Variants in ZGLP1 observed in about 807,000 individuals in gnomAD.
ZGLP1 encodes the protein zinc finger GATA like protein 1, also known as GATA-type zinc finger protein 1.
A neutral mutation model predicts 21.4 loss-of-function variants in ZGLP1; 11 were observed. The observed-to-expected ratio is 0.51, with a 90% CI of 0.32 to 0.85. The LOEUF (loss-of-function observed/expected upper bound fraction) is 0.85. Ranked by LOEUF, ZGLP1 falls within the 40% of genes least tolerant of loss-of-function variation. ZGLP1 has a pLI of 0.03. For missense variants in ZGLP1, 295 were observed against 355.6 expected, an observed-to-expected ratio of 0.83 and a Z score of 1.37; for synonymous variants, 148 against 145.0, an observed-to-expected ratio of 1.02 and a Z score of -0.15.
chr19:10,307,221 G>C (rs945914467), intron 1 of ZGLP1, among the ~76,000 whole-genome samples: 1 of 151,744 alleles, frequency 6.6e-6, no homozygotes, highest in African/African-American at 2.4e-5. Context: ...GTAAAAATTA[G>C]AGCTGGGGGT....
exon 1 of ZGLP1, chr19:10,309,248 T>A (rs1277674620): frequency 6.6e-6 from 1 of 152,654 alleles, no homozygotes; most frequent in Non-Finnish European, 1.5e-5. Flanking sequence ...AAATTGCCAC[T>A]TCTCGATAAC....
chr19:10,305,042 A>G lies in ZGLP1; in HGVS notation c.*49T>C. On this transcript the variant is annotated 3_prime_UTR_variant, in exon 4 of 4. Transcript: ENST00000403903. This position sits in a 1 kb window ranked among gnomAD's most constrained non-coding sequence, Gnocchi z 4.7. ...GAGAGCTGCTTCTGCCCATTCTCCC[A>G]CTGGTGAAACGGAGGCAGAAGCAGC... 7.1e-6 allele frequency: 10 copies of G among 1,415,802 alleles called. No homozygotes were observed. Among genetic ancestry groups the G allele is most frequent in the Non-Finnish European group, 1.0e-5 (10 of 1,001,758 alleles). 87.7% of individuals were successfully genotyped at this position (1,415,802 alleles called of 1,614,324 possible). A position where few individuals can be genotyped will look rare whatever the true frequency, so the allele number is the denominator to read the frequency against.
chr19:10,305,119 A>T lies in ZGLP1; in HGVS notation c.788T>A (p.Val263Glu), dbSNP rs200547722. Residue 263 changes from valine (V) to glutamate (E), a missense_variant, in exon 4 of 4, where the codon GTG becomes GAG. Coordinates refer to ENST00000403903, the Ensembl canonical transcript of ZGLP1. The surrounding 1 kb of genome is among the most constrained non-coding windows in gnomAD (Gnocchi z 4.7). Reference sequence around the variant, plus strand: ...ACCTTCCTGAATGGGGTCCAGGGACACTCCACATCTGCCACATAGCCTCTT... The same window carrying T: ...ACCTTCCTGAATGGGGTCCAGGGACTCTCCACATCTGCCACATAGCCTCTT... 1.9e-6 allele frequency: 3 copies of T among 1,613,538 alleles called. No individual in the cohort carries two copies. The highest frequency in any genetic ancestry group is 2.7e-5 in the African/African-American group (2 of 74,808).
At chr19:10,308,162 G>A (rs35063123) in intron 1 of ZGLP1, 23 bp downstream of exon 2, 238,636 of 1,513,764 alleles carry the variant, frequency 0.16, 20,584 homozygotes, top group Admixed American at 0.33. Context: ...AGAAAGGGCG[G>A]CCTGGCCCCA....
At chr19:10,308,895 T>A in exon 1 of ZGLP1, 1 of 407,300 alleles carries the variant, frequency 2.5e-6, no homozygotes, top group Non-Finnish European at 4.3e-6. Context: ...TTTGTGTTTC[T>A]TTTAGAGACC....
At chr19:10,308,408 G>A (rs1178133036) in exon 1 of ZGLP1, 5 of 1,608,732 alleles carry the variant, frequency 3.1e-6, no homozygotes, top group Non-Finnish European at 4.2e-6. Context: ...AGCAGCAGGC[G>A]GCCCTGAGTC....
rs1189584046 is a variant in ZGLP1 at position 10,309,340 on chromosome 19, C to T, written c.-659G>A. ...CGGGGTCCGGGGAATGGGGTTTGGC[C>T]TTACGCACCTCTCACTGATTCTGCA... On this transcript the variant is annotated 5_prime_UTR_variant, in exon 1 of 4. Transcript: ENST00000403903. 6.5e-6 allele frequency: 1 copy of T among 152,826 alleles called. No homozygotes were observed. Among genetic ancestry groups the T allele is most frequent in the Admixed American group, 6.5e-5 (1 of 15,278 alleles). 9.5% of individuals were successfully genotyped at this position (152,826 alleles called of 1,614,324 possible).
rs751681041 is a variant in ZGLP1, at chr19:10,305,554, C to T, written c.605-71G>A. The stretch of plus-strand genomic sequence containing the variant: ...TGAGCTCGGGATGCCTGTGCGGAGT[C>T]GGGCATTTTGTGGGGGTCTCAGTAA... On this transcript the variant is annotated intron_variant, in intron 2 of 3. Coordinates refer to ENST00000403903, the Ensembl canonical transcript of ZGLP1. This position sits in a 1 kb window ranked among gnomAD's most constrained non-coding sequence, Gnocchi z 4.7. The T allele has an allele frequency of 7.2e-6, 10 of 1,392,568 alleles. No homozygotes were observed. The highest frequency in any genetic ancestry group is 2.5e-5 in the East Asian group (1 of 40,498). The allele number at this position is 1,392,568 out of a possible 1,614,324, so 86.3% of individuals were successfully genotyped here.
Position 10,305,263 on chromosome 19 carries a change from C to T in ZGLP1, c.699-55G>A, listed in dbSNP as rs547769564. 43 of 1,589,008 alleles carry T rather than the reference C, an allele frequency of 2.7e-5. No individual in the cohort carries two copies. The highest frequency in any genetic ancestry group is 8.1e-5 in the African/African-American group (6 of 74,414). On this transcript the variant is annotated intron_variant, in intron 3 of 3. Transcript: ENST00000403903. This position sits in a 1 kb window ranked among gnomAD's most constrained non-coding sequence, Gnocchi z 4.7. ...TAGGATGCAGTGGGGGCCCGGAAACCGCCACAAGGAAACCACTTTTCCCAA... is the reference window on the plus strand; with the variant it reads ...TAGGATGCAGTGGGGGCCCGGAAACTGCCACAAGGAAACCACTTTTCCCAA...
exon 1 of ZGLP1, chr19:10,309,445 T>C (rs780628292): frequency 6.6e-6 from 1 of 152,640 alleles, no homozygotes; most frequent in Non-Finnish European, 1.5e-5. Context: ...CGCCAGAAGC[T>C]TTGCTGGCAT....
rs1464470940 is a variant in ZGLP1 at position 10,305,482 on chromosome 19, C to T, written c.606G>A (p.Glu202=). 10 of 1,592,548 alleles carry T rather than the reference C, an allele frequency of 6.3e-6. No individual in the cohort carries two copies. Among genetic ancestry groups the T allele is most frequent in the Non-Finnish European group, 8.5e-6 (10 of 1,169,804 alleles). ...TCCGACAGGAAGCACAGCGCCGGGG[C>T]TCTGAAGGGTCAGAGGTCAAAGGGC... Residue 202 remains glutamate, a splice_region_variant and synonymous_variant, in exon 3 of 4, where the codon GAG becomes GAA. Coordinates refer to ENST00000403903, the Ensembl canonical transcript of ZGLP1. The surrounding 1 kb of genome is among the most constrained non-coding windows in gnomAD (Gnocchi z 4.7).
chr19:10,308,794 C>T (rs2040295320), exon 1 of ZGLP1: 1 of 1,049,064 alleles, frequency 9.5e-7, no homozygotes, highest in South Asian at 3.4e-5. Flanking sequence ...TTACGGCACC[C>T]GTAGATCACC....
At chr19:10,304,873 G>A in exon 4 of ZGLP1, 2 of 579,590 alleles carry the variant, frequency 3.5e-6, no homozygotes, top group South Asian at 2.1e-5. Context: ...CGTCTCCTGA[G>A]GGGGCCTCGG....
chr19:10,306,008 G>A (rs1400543176), intron 1 of ZGLP1, 56 bp from the exon 3 acceptor site: 14 of 1,288,996 alleles, frequency 1.1e-5, no homozygotes, highest in Non-Finnish European at 1.5e-5. Context: ...GTCCCCAACA[G>A]CCCTCCGAAA....
At position 10,308,248 on chromosome 19, in the gene ZGLP1, T is replaced by A. The variant is rs748881020; in HGVS notation, c.434A>T (p.Glu145Val). 2.5e-6 allele frequency: 4 copies of A among 1,588,072 alleles called. No homozygotes were observed. The East Asian group carries it at 9.0e-5, about 36-fold the overall frequency. Residue 145 changes from glutamate to valine, a missense_variant, in exon 1 of 4, where the codon GAG (glutamate) becomes GTG (valine). Physicochemically the swap from Glu to Val is moderately radical, Grantham distance 121. Around this residue, in one of 2 missense-constraint regions of ZGLP1, gnomAD observed 252 missense variants for 264.0 expected, o/e 0.95. Coordinates refer to ENST00000403903, the Ensembl canonical transcript of ZGLP1. ...TATCTGAAACTTCAGAGTCACCCCC[T>A]CGAACCCAGGGTCCACTCTCTCGGT...
chr19:10,308,491 A>C (rs749848325), exon 1 of ZGLP1: 1 of 1,611,566 alleles, frequency 6.2e-7, no homozygotes, highest in Admixed American at 1.7e-5. Flanking sequence ...CAGCCTCTCC[A>C]CTGTCTCTTG....
Position 10,305,877 on chromosome 19 carries a change from G to C in ZGLP1, c.573C>G (p.Thr191=). The change falls in exon 2 of 4, where the codon ACC becomes ACG. Residue 191 remains threonine (T), a synonymous_variant. Transcript: ENST00000403903. The surrounding 1 kb of genome is among the most constrained non-coding windows in gnomAD (Gnocchi z 4.7). The stretch of plus-strand genomic sequence containing the variant: ...CCTCGCTGCCTGCTGAGTGGGCCTC[G>C]GTGCCTCCTGGGTGGGCTGCAGGGC... 6.4e-7 allele frequency: 1 copy of C among 1,560,720 alleles called. No homozygotes were observed. Among genetic ancestry groups the C allele is most frequent in the Admixed American group, 1.9e-5 (1 of 52,196 alleles).
chr19:10,305,395 C>A lies in ZGLP1; in HGVS notation c.693G>T (p.Gly231=). 2 of 1,591,168 alleles carry A rather than the reference C, an allele frequency of 1.3e-6. No homozygotes were observed. The highest frequency in any genetic ancestry group is 1.7e-6 in the Non-Finnish European group (2 of 1,168,816). The change falls in exon 3 of 4, where the codon GGG becomes GGT. Residue 231 remains glycine, a synonymous_variant. Coordinates refer to ENST00000403903, the Ensembl canonical transcript of ZGLP1. The surrounding 1 kb of genome is among the most constrained non-coding windows in gnomAD (Gnocchi z 4.7). The stretch of plus-strand genomic sequence containing the variant: ...CCCTCCTCCATTCTAAGGACCTGAT[C>A]CCACAGGCGTTGCAGAGAGGGGTCC...
exon 1 of ZGLP1, chr19:10,309,053 C>T (rs1195173080): frequency 1.1e-5 from 2 of 176,806 alleles, no homozygotes; most frequent in Non-Finnish European, 2.4e-5. Flanking sequence ...GCTGGCTTGC[C>T]ATAATATGAT....
Sources: allele counts gnomAD v4.1 joint callset (sites outside exome capture counted in the v4.1 genomes callset), GRCh38; gene constraint gnomAD v4.1.1; regional missense constraint gnomAD v4.1.1; non-coding constraint Gnocchi (gnomAD v3.1); transcripts MANE v1.5; gene names NCBI Gene and HGNC (gene_info 2026-07-23, HGNC 2026-07-21).